The following PPARGC1A variants were observed in gnomAD, a reference collection of about 807,000 sequenced individuals.
PPARGC1A encodes the protein peroxisome proliferator-activated receptor gamma coactivator 1-alpha.
PPARGC1A carries 25 observed loss-of-function variants against 88.7 expected under a neutral mutation model. The observed-to-expected ratio is 0.28, with a 90% CI of 0.21 to 0.39. The LOEUF is 0.39. Ranked by LOEUF, PPARGC1A falls within the 10% of genes least tolerant of loss-of-function variation. PPARGC1A has a pLI of 1.00. For missense variants in PPARGC1A, 880 were observed against 968.7 expected, an observed-to-expected ratio of 0.91 and a Z score of 1.22; for synonymous variants, 363 against 355.6, an observed-to-expected ratio of 1.02 and a Z score of -0.24.
the PPARGC1A span, among the ~76,000 whole-genome samples, chr4:24,447,794 G>T: frequency 6.6e-6 from 1 of 152,070 alleles, no homozygotes; most frequent in Non-Finnish European, 1.5e-5. Flanking sequence ...AGAAAACATC[G>T]GCATGAAACA....
the PPARGC1A span, among the ~76,000 whole-genome samples, chr4:24,309,401 G>C: frequency 6.6e-6 from 1 of 152,168 alleles, no homozygotes; most frequent in Non-Finnish European, 1.5e-5. Context: ...TCAACATCAA[G>C]GGGGATAGTG....
the PPARGC1A span, among the ~76,000 whole-genome samples, chr4:24,125,296 C>G: frequency 6.6e-6 from 1 of 152,122 alleles, no homozygotes; most frequent in Non-Finnish European, 1.5e-5. Context: ...AGAGCTCCAA[C>G]AAAATGCCTA....
At chr4:24,430,694 A>C in the PPARGC1A span, among the ~76,000 whole-genome samples, 1 of 152,100 alleles carries the variant, frequency 6.6e-6, no homozygotes, top group Admixed American at 6.5e-5. Context: ...AGGTATATTT[A>C]GTGTGATAAT....
At chr4:23,939,298 A>G in the PPARGC1A span, among the ~76,000 whole-genome samples, 1 of 152,122 alleles carries the variant, frequency 6.6e-6, no homozygotes, top group Admixed American at 6.5e-5. Flanking sequence ...GTTTTAAAAT[A>G]TGTTTGTTTG....
At chr4:24,248,197 T>G in the PPARGC1A span, among the ~76,000 whole-genome samples, 18 of 152,154 alleles carry the variant, frequency 1.2e-4, no homozygotes, top group African/African-American at 4.3e-4. Flanking sequence ...TTATCTCGGC[T>G]CACTGCAAGC....
At chr4:23,972,492 C>A in the PPARGC1A span, among the ~76,000 whole-genome samples, 1 of 152,138 alleles carries the variant, frequency 6.6e-6, no homozygotes, top group East Asian at 1.9e-4. Flanking sequence ...TTAACACGTC[C>A]TTGATGGAAT....
At chr4:24,318,832 A>G in the PPARGC1A span, among the ~76,000 whole-genome samples, 1 of 152,186 alleles carries the variant, frequency 6.6e-6, no homozygotes, top group Non-Finnish European at 1.5e-5. Flanking sequence ...ACAAACAAAA[A>G]ACAGATAACA....
At chr4:24,446,917 G>A in the PPARGC1A span, among the ~76,000 whole-genome samples, 2 of 152,098 alleles carry the variant, frequency 1.3e-5, no homozygotes, top group African/African-American at 4.8e-5. Flanking sequence ...ATTAATGCTA[G>A]AGAACTATCT....
the PPARGC1A span, among the ~76,000 whole-genome samples, chr4:24,403,803 T>A: frequency 0.45 from 67,903 of 152,030 alleles, 15,622 homozygotes; most frequent in Middle Eastern, 0.54. Context: ...TTTTAAAACC[T>A]TGATCATCTC....
the PPARGC1A span, among the ~76,000 whole-genome samples, chr4:24,105,494 T>G: frequency 6.6e-6 from 1 of 152,154 alleles, no homozygotes; most frequent in African/African-American, 2.4e-5. Context: ...AATAGTCCAG[T>G]GTTTCTCAAA....
chr4:24,109,339 A>ACACT, the PPARGC1A span, among the ~76,000 whole-genome samples: 17 of 143,606 alleles, frequency 1.2e-4, no homozygotes, highest in South Asian at 2.2e-4. Flanking sequence ...ACACACACAC[A>ACACT]CTTTTATTCG....
the PPARGC1A span, among the ~76,000 whole-genome samples, chr4:24,408,567 C>G: frequency 6.6e-6 from 1 of 152,210 alleles, no homozygotes; most frequent in Non-Finnish European, 1.5e-5. Context: ...CTTGCAGCTT[C>G]TACACAAGTG....
the PPARGC1A span, among the ~76,000 whole-genome samples, chr4:24,126,267 CCACACACACACACACA>C: frequency 6.8e-6 from 1 of 146,442 alleles, no homozygotes; most frequent in African/African-American, 2.5e-5. Context: ...TGGCTTCTCA[CCACACACACACACACA>C]CACACACACA....
the PPARGC1A span, among the ~76,000 whole-genome samples, chr4:24,018,114 G>T: frequency 6.6e-6 from 1 of 152,040 alleles, no homozygotes; most frequent in African/African-American, 2.4e-5. Flanking sequence ...AAAATTAAGG[G>T]ACTTGGCCCA....
chr4:24,399,197 C>T, the PPARGC1A span, among the ~76,000 whole-genome samples: 1 of 152,086 alleles, frequency 6.6e-6, no homozygotes, highest in Non-Finnish European at 1.5e-5. Context: ...TGTTTTTAGT[C>T]CCTGGAAATT....
the PPARGC1A span, among the ~76,000 whole-genome samples, chr4:24,109,019 C>CACCA: frequency 0.018 from 2,471 of 140,654 alleles, 67 homozygotes; most frequent in African/African-American, 0.055. Flanking sequence ...CACACACACA[C>CACCA]CACACACACA....
At chr4:23,939,573 T>A in the PPARGC1A span, among the ~76,000 whole-genome samples, 1 of 152,204 alleles carries the variant, frequency 6.6e-6, no homozygotes, top group East Asian at 1.9e-4. Context: ...CCTTTGCCTA[T>A]GTTTGAACAT....
chr4:24,111,596 T>A, the PPARGC1A span, among the ~76,000 whole-genome samples: 1 of 152,200 alleles, frequency 6.6e-6, no homozygotes, highest in Non-Finnish European at 1.5e-5. Flanking sequence ...TTTAGCTCCG[T>A]GGTGTCAAGG....
At chr4:23,880,693 G>A (rs939173779) in intron 2 of PPARGC1A, 2 of 151,998 alleles carry the variant, frequency 1.3e-5, no homozygotes, top group African/African-American at 2.4e-5. Flanking sequence ...GCATATAGCA[G>A]GATAATTTAC....
Sources: allele counts gnomAD v4.1 joint callset (sites outside exome capture counted in the v4.1 genomes callset), GRCh38; gene constraint gnomAD v4.1.1; transcripts MANE v1.5; gene names NCBI Gene and HGNC (gene_info 2026-07-23, HGNC 2026-07-21).